Variants in HMGA2 observed in about 807,000 individuals in gnomAD.
The protein encoded by HMGA2 is high mobility group protein HMGI-C.
HMGA2 carries 8 observed loss-of-function variants against 19.1 expected under a neutral mutation model. That is an observed-to-expected ratio of 0.42 (90% CI 0.25 to 0.76). The LOEUF (loss-of-function observed/expected upper bound fraction) is 0.76, where lower values mean the gene tolerates loss of function less well. HMGA2 is among the 30% of genes least tolerant of loss of function. HMGA2 has a pLI of 0.28. For missense variants in HMGA2, 109 were observed against 136.3 expected, an observed-to-expected ratio of 0.80 and a Z score of 1.00; for synonymous variants, 60 against 48.8, an observed-to-expected ratio of 1.23 and a Z score of -0.96.
At chr12:65,950,402 T>C (rs1043865142) in intron 3 of HMGA2, among the ~76,000 whole-genome samples, 10 of 152,194 alleles carry the variant, frequency 6.6e-5, no homozygotes, top group Non-Finnish European at 1.3e-4. Flanking sequence ...TGCTACCACA[T>C]GGATGACCCT....
At chr12:65,936,376 A>G (rs1379105728) in intron 3 of HMGA2, among the ~76,000 whole-genome samples, 2 of 152,102 alleles carry the variant, frequency 1.3e-5, no homozygotes, top group Non-Finnish European at 2.9e-5. Context: ...TACAAAGGAA[A>G]TTGCCATTGT....
Position 65,843,336 on chromosome 12 carries a change from T to A in HMGA2, c.249+4767T>A, listed in dbSNP as rs1871086308. 1.4e-5 allele frequency: 3 copies of A among 210,822 alleles called. No homozygotes were observed. The East Asian group carries it at 2.1e-4, about 15-fold the overall frequency. 13.1% of individuals were successfully genotyped at this position (210,822 alleles called of 1,614,324 possible). A position where few individuals can be genotyped will look rare whatever the true frequency, so the allele number is the denominator to read the frequency against. On this transcript the variant is annotated intron_variant, in intron 3 of 4. Transcript: ENST00000403681. ...CATTGCTTTTGAAGGGGGGCAGTTG[T>A]CTTTCTCTTATTAAAGAGCTTGTGA...
At chr12:65,917,455 T>C (rs952128687) in intron 3 of HMGA2, among the ~76,000 whole-genome samples, 1 of 152,164 alleles carries the variant, frequency 6.6e-6, no homozygotes. Context: ...CCATGCTCTC[T>C]AGCACAGAGC....
At chr12:65,938,473 C>A (rs1340197332) in intron 3 of HMGA2, among the ~76,000 whole-genome samples, 1 of 152,092 alleles carries the variant, frequency 6.6e-6, no homozygotes, top group Non-Finnish European at 1.5e-5. Context: ...ATACACTGAT[C>A]AGCAGGAAAT....
intron 3 of HMGA2, among the ~76,000 whole-genome samples, chr12:65,865,918 A>G (rs1443388073): frequency 6.6e-6 from 1 of 152,064 alleles, no homozygotes; most frequent in Admixed American, 6.6e-5. Context: ...CTGGGATTAC[A>G]GGCATGAGCC....
intron 3 of HMGA2, among the ~76,000 whole-genome samples, chr12:65,867,237 T>C (rs1224832781): frequency 2.6e-5 from 4 of 152,184 alleles, no homozygotes; most frequent in Admixed American, 6.5e-5. Flanking sequence ...TGTCCTGTTT[T>C]TGCAATGAGC....
At chr12:65,921,775 A>T (rs1183588392) in intron 3 of HMGA2, among the ~76,000 whole-genome samples, 2 of 152,138 alleles carry the variant, frequency 1.3e-5, no homozygotes, top group Admixed American at 1.3e-4. Flanking sequence ...AGGCCTGGAG[A>T]TCCAGGAGAA....
At chr12:65,884,054 T>C (rs1255558801) in intron 3 of HMGA2, among the ~76,000 whole-genome samples, 1 of 152,036 alleles carries the variant, frequency 6.6e-6, no homozygotes, top group Non-Finnish European at 1.5e-5. Context: ...TTAGTAGAGA[T>C]GAGATTTTGC....
intron 3 of HMGA2, among the ~76,000 whole-genome samples, chr12:65,905,311 A>G (rs1482120457): frequency 1.3e-5 from 2 of 152,158 alleles, no homozygotes; most frequent in Non-Finnish European, 2.9e-5. Flanking sequence ...TGTAGGTAAA[A>G]AAATTGAATA....
In HMGA2 at chr12:65,952,165, G is replaced by A. The variant is rs1174341925; in HGVS notation, c.282+750G>A. Reference sequence around the variant, plus strand: ...TATTAAAGTATAAGAACGTCCTGCTGTTCTCTTCCCTTCTGTATGTAAATA... The same window carrying A: ...TATTAAAGTATAAGAACGTCCTGCTATTCTCTTCCCTTCTGTATGTAAATA... On this transcript the variant is annotated intron_variant, in intron 4 of 4. Coordinates refer to ENST00000403681, the MANE Select transcript of HMGA2 (RefSeq NM_003483.6). 4 of 548,598 alleles carry A rather than the reference G, an allele frequency of 7.3e-6. No individual in the cohort carries two copies. In the East Asian group the frequency reaches 8.6e-5, roughly 12 times the overall value. The allele number at this position is 548,598 out of a possible 1,614,324, so 34.0% of individuals were successfully genotyped here. A position where few individuals can be genotyped will look rare whatever the true frequency, so the allele number is the denominator to read the frequency against.
chr12:65,885,272 T>C (rs1442539997), intron 3 of HMGA2, among the ~76,000 whole-genome samples: 2 of 152,278 alleles, frequency 1.3e-5, no homozygotes, highest in East Asian at 3.9e-4. Flanking sequence ...GCCCAAGTCT[T>C]AGAGAAACAT....
intron 3 of HMGA2, among the ~76,000 whole-genome samples, chr12:65,885,882 T>A (rs1211889915): frequency 2.0e-5 from 3 of 152,180 alleles, no homozygotes. Context: ...TGAGGGAAAT[T>A]ACTCAGTTAA....
intron 3 of HMGA2, chr12:65,857,971 T>C (rs1389811328): frequency 6.5e-6 from 1 of 152,808 alleles, no homozygotes; most frequent in Non-Finnish European, 1.5e-5. Flanking sequence ...AATTTCCATA[T>C]ATTGGAACTG....
intron 3 of HMGA2, among the ~76,000 whole-genome samples, chr12:65,933,073 T>G (rs543659688): frequency 1.3e-5 from 2 of 152,198 alleles, no homozygotes; most frequent in Admixed American, 1.3e-4. Context: ...CCTTATCACT[T>G]TGAGAAGTTC....
At position 65,915,548 on chromosome 12, in the gene HMGA2, A is replaced by G. The variant is rs114672489; in HGVS notation, c.250-35835A>G. Reference sequence around the variant, plus strand: ...AAGTATTCACTGTCTCTGTCTCTTCAGTGCCATGTAATATCACATGACTTT... The same window carrying G: ...AAGTATTCACTGTCTCTGTCTCTTCGGTGCCATGTAATATCACATGACTTT... On this transcript the variant is annotated intron_variant, in intron 3 of 4. Transcript: ENST00000403681. The G allele has an allele frequency of 1.0e-3, 1,167 of 1,125,134 alleles. 5 individuals are homozygous for G. The African/African-American group carries it at 0.017, about 16-fold the overall frequency. The allele number at this position is 1,125,134 out of a possible 1,614,324, so 69.7% of individuals were successfully genotyped here. A position where few individuals can be genotyped will look rare whatever the true frequency, so the allele number is the denominator to read the frequency against.
intron 4 of HMGA2, 90 bp downstream of exon 4, chr12:65,951,505 C>A: frequency 1.2e-6 from 1 of 842,162 alleles, no homozygotes; most frequent in Non-Finnish European, 1.9e-6. Context: ...CCTTATTTCG[C>A]ATTTTCTTAC....
rs185918878 is a variant in HMGA2, at chr12:65,838,907, T to C, written c.249+338T>C. Among the ~76,000 whole-genome samples, 500 of 152,178 alleles carry C rather than the reference T, an allele frequency of 3.3e-3. 1 individual carries two copies. The highest frequency in any genetic ancestry group is 5.5e-3 in the Non-Finnish European group (371 of 67,980). On this transcript the variant is annotated intron_variant, in intron 3 of 4. Coordinates refer to ENST00000403681, the MANE Select transcript of HMGA2 (RefSeq NM_003483.6). ...AAAGGGTATTATGAAGCCTTGGAAG[T>C]TGATTACAAATGGTGTTAAAATTCA...
rs5798799 is a variant in HMGA2, at chr12:65,936,212, A to ATT, written c.250-15158_250-15157dup. On this transcript the variant is annotated intron_variant, in intron 3 of 4. Transcript: ENST00000403681. ...TCTCTGTAAATCTTTTGTTCCATTC[A>ATT]TTTTTTTTTTTTTTGGCCTTACAAG... Among the ~76,000 whole-genome samples the ATT allele has an allele frequency of 6.5e-3, 933 of 144,556 alleles. 12 individuals carry two copies. The highest frequency in any genetic ancestry group is 0.018 in the African/African-American group (697 of 39,548). The allele number at this position is 144,556 out of a possible 152,430, so 94.8% of individuals were successfully genotyped here. A position where few individuals can be genotyped will look rare whatever the true frequency, so the allele number is the denominator to read the frequency against.
chr12:65,860,544 C>T (rs1000399821), intron 3 of HMGA2, among the ~76,000 whole-genome samples: 2 of 152,142 alleles, frequency 1.3e-5, no homozygotes, highest in African/African-American at 4.8e-5. Context: ...TTTGTAAACT[C>T]CTTGAGAACA....
Sources: allele counts gnomAD v4.1 joint callset (sites outside exome capture counted in the v4.1 genomes callset), GRCh38; gene constraint gnomAD v4.1.1; transcripts MANE v1.5; gene names NCBI Gene and HGNC (gene_info 2026-07-23, HGNC 2026-07-21).